ABCG4: variants seen among roughly 807,000 people sequenced by gnomAD.
ABCG4 encodes ATP binding cassette subfamily G member 4, also known as ATP-binding cassette sub-family G member 4.
In ABCG4, 35 loss-of-function variants were observed where a neutral mutation model predicts 64.6. The ratio of observed to expected loss-of-function variants is 0.54; its 90% CI spans 0.41 to 0.72. The LOEUF is 0.72. ABCG4 is among the 30% of genes least tolerant of loss of function. ABCG4 has a pLI of 0.00. For synonymous variants in ABCG4, 326 were observed against 348.2 expected (o/e 0.94, Z 0.71); for missense variants, 610 against 846.3 (o/e 0.72, Z 3.46).
At position 119,154,675 on chromosome 11, in the gene ABCG4, C is replaced by T. The variant is rs560699979; in HGVS notation, c.541-95C>T. On this transcript the variant is annotated intron_variant, in intron 5 of 14. Transcript: ENST00000619701. The surrounding 1 kb of genome is among the most constrained non-coding windows in gnomAD (Gnocchi z 7.0). ...GGGAGAGTGGTGGCCTAGGCCGAGA[C>T]AATGCACTTAAGGGAGATGCTTTTT... 7.5e-6 allele frequency: 12 copies of T among 1,592,986 alleles called. No homozygotes were observed. The African/African-American group carries it at 1.2e-4, about 16-fold the overall frequency.
Position 119,158,742 on chromosome 11 carries a change from T to TG in ABCG4, c.1336+20dup, listed in dbSNP as rs1948304577. 1 of 1,614,130 alleles carries TG rather than the reference T, an allele frequency of 6.2e-7. No individual in the cohort carries two copies. The highest frequency in any genetic ancestry group is 8.5e-7 in the Non-Finnish European group (1 of 1,180,016). On this transcript the variant is annotated intron_variant, in intron 11 of 14. Coordinates refer to ENST00000619701, the MANE Select transcript of ABCG4 (RefSeq NM_022169.5). This position sits in a 1 kb window ranked among gnomAD's most constrained non-coding sequence, Gnocchi z 4.5. ...TGCTCACCTGTGAGCTGAGCTGCCC[T>TG]GGGCATGGGGCAAGGGTGTGGGTGC...
At chr11:119,151,574 A>T (rs1455629521) in intron 2 of ABCG4, among the ~76,000 whole-genome samples, 1 of 152,236 alleles carries the variant, frequency 6.6e-6, no homozygotes, top group Admixed American at 6.5e-5. Flanking sequence ...ATTTGTTATC[A>T]TCTCCCCTAA....
At position 119,154,791 on chromosome 11, in the gene ABCG4, C is replaced by G; in HGVS notation, c.562C>G (p.Leu188Val). The change falls in exon 6 of 15, where the codon CTG (leucine) becomes GTG (valine). Residue 188 changes from leucine to valine, a missense_variant. Physicochemically the swap from Leu to Val is conservative, Grantham distance 32. Coordinates refer to ENST00000619701, the MANE Select transcript of ABCG4 (RefSeq NM_022169.5). This position sits in a 1 kb window ranked among gnomAD's most constrained non-coding sequence, Gnocchi z 7.0. ...KELVTEILTALGLMSCSHTRT... is the reference protein window; with the variant it reads ...KELVTEILTAVGLMSCSHTRT... ...CCAGGTGACAGAGATCCTGACGGCA[C>G]TGGGCCTGATGTCGTGCTCCCACAC... 1 of 1,612,362 alleles carries G rather than the reference C, an allele frequency of 6.2e-7. No homozygotes were observed. Among genetic ancestry groups the G allele is most frequent in the Non-Finnish European group, 8.5e-7 (1 of 1,178,528 alleles).
rs1592305880 is a variant in ABCG4, at chr11:119,156,347, T to C, written c.705T>C (p.Ser235=). Residue 235 remains serine, a synonymous_variant, in exon 7 of 15, where the codon TCT becomes TCC. Transcript: ENST00000619701. This position sits in a 1 kb window ranked among gnomAD's most constrained non-coding sequence, Gnocchi z 5.5. ...TGGACAGTGGTCTGGATAGCGCCTC[T>C]TGTTTCCAAGTGGTGTCCCTCATGA... The part of the protein sequence containing the change: ...DEPTSGLDSA[S]CFQVVSLMKS... 6.2e-7 allele frequency: 1 copy of C among 1,614,150 alleles called. No individual in the cohort carries two copies. The highest frequency in any genetic ancestry group is 8.5e-7 in the Non-Finnish European group (1 of 1,180,028).
rs746879394 is a variant in ABCG4 at position 119,156,610 on chromosome 11, C to A, written c.857C>A (p.Thr286Asn). 1 of 1,614,040 alleles carries A rather than the reference C, an allele frequency of 6.2e-7. No individual in the cohort carries two copies. The highest frequency in any genetic ancestry group is 8.5e-7 in the Non-Finnish European group (1 of 1,180,026). Residue 286 changes from threonine (T) to asparagine (N), a missense_variant, in exon 8 of 15, where the codon ACC (threonine) becomes AAC (asparagine). By Grantham distance (65) the Thr-to-Asn change is moderately conservative. Transcript: ENST00000619701. The surrounding 1 kb of genome is among the most constrained non-coding windows in gnomAD (Gnocchi z 5.5). ...CAGTGCATCTTCAAAGGCGTGGTCA[C>A]CAACCTGATCCCCTATCTAAAGGGA... ...QGQCIFKGVV[T>N]NLIPYLKGLG...
chr11:119,154,365 G>A lies in ABCG4; in HGVS notation c.462G>A (p.Pro154=), dbSNP rs181953591. Residue 154 remains proline (P), a synonymous_variant, in exon 4 of 15, where the codon CCG becomes CCA. Coordinates refer to ENST00000619701, the MANE Select transcript of ABCG4 (RefSeq NM_022169.5). This position sits in a 1 kb window ranked among gnomAD's most constrained non-coding sequence, Gnocchi z 7.0. The part of the protein sequence containing the change: ...CYIMQDDMLL[P]HLTVLEAMMV... Reference sequence around the variant, plus strand: ...TCATGCAAGATGACATGCTGCTGCCGCACCTCACGGTGTTGGAAGCCATGA... The same window carrying A: ...TCATGCAAGATGACATGCTGCTGCCACACCTCACGGTGTTGGAAGCCATGA... 4.7e-5 allele frequency: 76 copies of A among 1,614,194 alleles called. No homozygotes were observed. Among genetic ancestry groups the A allele is most frequent in the African/African-American group, 3.2e-4 (24 of 75,050 alleles).
chr11:119,154,248 A>G lies in ABCG4; in HGVS notation c.357-12A>G, dbSNP rs755058518. ...GGGCATTGACCCCCATCCTCAACCCACATCCCTGCAGGGAGTCTGGAATGA... is the reference window on the plus strand; with the variant it reads ...GGGCATTGACCCCCATCCTCAACCCGCATCCCTGCAGGGAGTCTGGAATGA... On this transcript the variant is annotated splice_polypyrimidine_tract_variant and intron_variant, in intron 3 of 14. Transcript: ENST00000619701. This position sits in a 1 kb window ranked among gnomAD's most constrained non-coding sequence, Gnocchi z 7.0. 5 of 1,614,040 alleles carry G rather than the reference A, an allele frequency of 3.1e-6. No individual in the cohort carries two copies. The South Asian group carries it at 5.5e-5, about 18-fold the overall frequency.
chr11:119,150,167 T>C lies in ABCG4; in HGVS notation c.202T>C (p.Tyr68His). 6.2e-7 allele frequency: 1 copy of C among 1,614,008 alleles called. No individual in the cohort carries two copies. The change falls in exon 2 of 15, where the codon TAT becomes CAT. Residue 68 changes from tyrosine to histidine, a missense_variant. Tyr to His is a moderately conservative substitution (Grantham distance 83). Transcript: ENST00000619701. The surrounding 1 kb of genome is among the most constrained non-coding windows in gnomAD (Gnocchi z 4.3). ...GGACATCGAGTTCGTGGAGCTGTCC[T>C]ATTCCGTGCGGGAGGGGCCCTGCTG... ...AVDIEFVELS[Y>H]SVREGPCWRK...
chr11:119,161,216 T>A lies in ABCG4; in HGVS notation c.*110T>A. On this transcript the variant is annotated 3_prime_UTR_variant, in exon 15 of 15. Transcript: ENST00000619701. ...TGGGCACTGGTTCCTGGCGGGGCTA[T>A]CCTCTCCTCCCTTGGCTCCTCCACA... 1 of 1,024,094 alleles carries A rather than the reference T, an allele frequency of 9.8e-7. No individual in the cohort carries two copies. Among genetic ancestry groups the A allele is most frequent in the Non-Finnish European group, 1.4e-6 (1 of 717,152 alleles). 63.4% of individuals were successfully genotyped at this position (1,024,094 alleles called of 1,614,324 possible).
chr11:119,149,711 CG>C lies in ABCG4; in HGVS notation c.-12-240del. 1.7e-6 allele frequency: 1 copy of C among 583,960 alleles called. No homozygotes were observed. Among genetic ancestry groups the C allele is most frequent in the East Asian group, 2.9e-5 (1 of 34,428 alleles). 36.2% of individuals were successfully genotyped at this position (583,960 alleles called of 1,614,324 possible). A position where few individuals can be genotyped will look rare whatever the true frequency, so the allele number is the denominator to read the frequency against. ...GGGGTAAGGAGATTAGAGAAGCCGC[CG>C]GGAGGAAGGAGCGATTGAGGGCTTC... On this transcript the variant is annotated intron_variant, in intron 1 of 14. Transcript: ENST00000619701. The surrounding 1 kb of genome is among the most constrained non-coding windows in gnomAD (Gnocchi z 8.3).
In ABCG4 at chr11:119,149,235, CCGCCGGGACCGGGAGCCGGGA is replaced by C. The variant is rs1251492368; in HGVS notation, c.-137_-117del. The C allele has an allele frequency of 4.0e-5, 6 of 150,708 alleles. No homozygotes were observed. Among genetic ancestry groups the C allele is most frequent in the African/African-American group, 1.5e-4 (6 of 41,034 alleles). 9.3% of individuals were successfully genotyped at this position (150,708 alleles called of 1,614,324 possible). On this transcript the variant is annotated 5_prime_UTR_variant, in exon 1 of 15. Transcript: ENST00000619701. The surrounding 1 kb of genome is among the most constrained non-coding windows in gnomAD (Gnocchi z 8.3). ...CGCCCCGGCCCCGCCCCGGCCCGGG[CCGCCGGGACCGGGAGCCGGGA>C]CGCGGGTGCCGCAGCCCGAGGCAGG... is the stretch of plus-strand genomic sequence containing the variant.
At position 119,156,751 on chromosome 11, in the gene ABCG4, A is replaced by G. The variant is rs962614881; in HGVS notation, c.925+73A>G. ...ACCTGGGGTCTCTGGTCTTGCACTC[A>G]GGCCTCCTAGGGGTAGAGATCTCAC... On this transcript the variant is annotated intron_variant, in intron 8 of 14. Coordinates refer to ENST00000619701, the MANE Select transcript of ABCG4 (RefSeq NM_022169.5). This position sits in a 1 kb window ranked among gnomAD's most constrained non-coding sequence, Gnocchi z 5.5. The G allele has an allele frequency of 4.4e-6, 7 of 1,593,334 alleles. No individual in the cohort carries two copies. In the South Asian group the frequency reaches 5.5e-5, roughly 13 times the overall value.
rs934341611 is a variant in ABCG4, at chr11:119,158,159, T to C, written c.1069-75T>C. On this transcript the variant is annotated intron_variant, in intron 9 of 14. Transcript: ENST00000619701. This position sits in a 1 kb window ranked among gnomAD's most constrained non-coding sequence, Gnocchi z 4.5. ...CCCTGGGGAAGAGCTCTGAGGTTTTTCATTCACTGAGCTGGGTGTTCTGTG... is the reference window on the plus strand; with the variant it reads ...CCCTGGGGAAGAGCTCTGAGGTTTTCCATTCACTGAGCTGGGTGTTCTGTG... 8.0e-7 allele frequency: 1 copy of C among 1,246,456 alleles called. No homozygotes were observed. The highest frequency in any genetic ancestry group is 1.5e-5 in the African/African-American group (1 of 66,264). 77.2% of individuals were successfully genotyped at this position (1,246,456 alleles called of 1,614,324 possible).
rs757980952 is a variant in ABCG4, at chr11:119,150,021, C to A, written c.56C>A (p.Ala19Asp). The change falls in exon 2 of 15, where the codon GCC becomes GAC. Residue 19 changes from alanine to aspartate, a missense_variant. Physicochemically the swap from Ala to Asp is moderately radical, Grantham distance 126 (BLOSUM62 -2). Coordinates refer to ENST00000619701, the MANE Select transcript of ABCG4 (RefSeq NM_022169.5). This position sits in a 1 kb window ranked among gnomAD's most constrained non-coding sequence, Gnocchi z 4.3. ...VGCGLGPGAV[A>D]MAVTLEDGAE... Reference sequence around the variant, plus strand: ...TGTGGACTAGGGCCGGGGGCTGTGGCCATGGCCGTGACGCTGGAGGACGGG... The same window carrying A: ...TGTGGACTAGGGCCGGGGGCTGTGGACATGGCCGTGACGCTGGAGGACGGG... 1 of 1,612,734 alleles carries A rather than the reference C, an allele frequency of 6.2e-7. No homozygotes were observed. Among genetic ancestry groups the A allele is most frequent in the Non-Finnish European group, 8.5e-7 (1 of 1,179,978 alleles).
Position 119,156,906 on chromosome 11 carries a change from G to A in ABCG4, c.960G>A (p.Leu320=). ...TGGCCTCTGGCGAGTATGGAGACCT[G>A]AACCCCATGTTGTTCAGGGCTGTGC... ...IEVASGEYGD[L]NPMLFRAVQN... The change falls in exon 9 of 15, where the codon CTG becomes CTA. Residue 320 remains leucine (L), a synonymous_variant. Transcript: ENST00000619701. The surrounding 1 kb of genome is among the most constrained non-coding windows in gnomAD (Gnocchi z 5.5). 1 of 1,613,440 alleles carries A rather than the reference G, an allele frequency of 6.2e-7. No individual in the cohort carries two copies. Among genetic ancestry groups the A allele is most frequent in the Admixed American group, 1.7e-5 (1 of 59,864 alleles).
chr11:119,153,168 C>T (rs1344899523), intron 2 of ABCG4: 1 of 152,362 alleles, frequency 6.6e-6, no homozygotes, highest in Admixed American at 6.5e-5. Flanking sequence ...TTACAACAAC[C>T]CTATGAGATA....
At position 119,160,845 on chromosome 11, in the gene ABCG4, T is replaced by C; in HGVS notation, c.1716-36T>C. 1 of 1,592,742 alleles carries C rather than the reference T, an allele frequency of 6.3e-7. No individual in the cohort carries two copies. Among genetic ancestry groups the C allele is most frequent in the Non-Finnish European group, 8.6e-7 (1 of 1,163,098 alleles). ...GTTTTCTCAGAGAGCAGGGACCCTG[T>C]GTGCTGTATCCCATCTGATATCCCT... On this transcript the variant is annotated intron_variant, in intron 14 of 14. Transcript: ENST00000619701. The surrounding 1 kb of genome is among the most constrained non-coding windows in gnomAD (Gnocchi z 4.6).
chr11:119,157,016 T>G lies in ABCG4; in HGVS notation c.1068+2T>G, dbSNP rs770055514. 1 of 1,601,324 alleles carries G rather than the reference T, an allele frequency of 6.2e-7. No individual in the cohort carries two copies. The highest frequency in any genetic ancestry group is 8.5e-7 in the Non-Finnish European group (1 of 1,174,148). ...GCCCCATGCCCTCCTTGTCCTCCGGTGAGTAGGGGTGGAGAGGGCAGAGCA... is the reference window on the plus strand; with the variant it reads ...GCCCCATGCCCTCCTTGTCCTCCGGGGAGTAGGGGTGGAGAGGGCAGAGCA... On this transcript the variant is annotated splice_donor_variant, in intron 9 of 14. Transcript: ENST00000619701. LOFTEE classifies it high-confidence loss of function.
In ABCG4 at chr11:119,161,448, G is replaced by T; in HGVS notation, c.*342G>T. The T allele has an allele frequency of 4.4e-6, 1 of 227,430 alleles. No homozygotes were observed. Among genetic ancestry groups the T allele is most frequent in the Non-Finnish European group, 8.8e-6 (1 of 113,868 alleles). 14.1% of individuals were successfully genotyped at this position (227,430 alleles called of 1,614,324 possible). ...TCTGCTGTCTGCCTGGGAGCCCTAG[G>T]CTCTCTAGGGCCCCACTTACAACTG... On this transcript the variant is annotated 3_prime_UTR_variant, in exon 15 of 15. Coordinates refer to ENST00000619701, the MANE Select transcript of ABCG4 (RefSeq NM_022169.5).
Sources: gnomAD v4.1 joint callset for allele counts (sites outside exome capture counted in the v4.1 genomes callset) on GRCh38, gnomAD v4.1.1 for gene constraint, Gnocchi (gnomAD v3.1) non-coding constraint, MANE v1.5 for transcripts, NCBI Gene and HGNC (gene_info 2026-07-23, HGNC 2026-07-21) for gene names.